The following PARVB variants were observed in gnomAD, a reference collection of about 807,000 sequenced individuals.
The protein encoded by PARVB is beta-parvin.
A neutral mutation model predicts 47.0 loss-of-function variants in PARVB; 46 were observed. The ratio of observed to expected loss-of-function variants is 0.98; its 90% CI spans 0.77 to 1.25. The LOEUF (loss-of-function observed/expected upper bound fraction) is 1.25, where lower values mean the gene tolerates loss of function less well. Among genes scored for constraint, PARVB ranks in the 50% most tolerant of loss-of-function variants. The probability of loss-of-function intolerance (pLI) is 0.00; values close to 1 mark genes in which losing one functional copy is unlikely to be tolerated. For synonymous variants in PARVB, 196 were observed against 196.3 expected (o/e 1.00, Z 0.01); for missense variants, 473 against 471.6 (o/e 1.00, Z -0.03).
At chr22:44,085,699 G>A (rs1473574943) in intron 1 of PARVB, among the ~76,000 whole-genome samples, 1 of 152,230 alleles carries the variant, frequency 6.6e-6, no homozygotes, top group Non-Finnish European at 1.5e-5. Context: ...TTCTGTGCCA[G>A]GTGCGAGGTC....
Position 44,092,523 on chromosome 22 carries a change from G to C in PARVB, c.113-1405G>C, listed in dbSNP as rs147349803. On this transcript the variant is annotated intron_variant, in intron 1 of 12. Coordinates refer to ENST00000338758, the MANE Select transcript of PARVB (RefSeq NM_013327.5). Reference sequence around the variant, plus strand: ...GGCCTTTGCTGACATGAGAGGAGCTGGCATCCTTGGGCCCTGCTGCCATTG... The same window carrying C: ...GGCCTTTGCTGACATGAGAGGAGCTCGCATCCTTGGGCCCTGCTGCCATTG... Among the ~76,000 whole-genome samples, 1,137 of 152,282 alleles carry C rather than the reference G, an allele frequency of 7.5e-3. 16 individuals are homozygous for C. The highest frequency in any genetic ancestry group is 0.026 in the African/African-American group (1,100 of 41,570).
intron 1 of PARVB, among the ~76,000 whole-genome samples, chr22:44,052,662 G>A (rs1362187099): frequency 1.3e-5 from 2 of 152,236 alleles, no homozygotes; most frequent in Non-Finnish European, 1.5e-5. Context: ...TAGGTGGGGG[G>A]CTGGGTGTGG....
In PARVB at chr22:44,011,406, C is replaced by T. The variant is rs140993259; in HGVS notation, c.211+11733C>T. ...GGCAGGTGGATCACTTGAGGTCAGG[C>T]GTTTGAGACCAGCCTGGCCAACATG... is the stretch of plus-strand genomic sequence containing the variant. On this transcript the variant is annotated intron_variant, in intron 2 of 13. Coordinates refer to the PARVB transcript ENST00000406477. 5.4e-3 allele frequency among the ~76,000 whole-genome samples: 820 copies of T among 152,062 alleles called. 12 individuals are homozygous for T. Among genetic ancestry groups the T allele is most frequent in the African/African-American group, 0.019 (774 of 41,518 alleles).
At chr22:44,032,520 G>A (rs1254435661) in intron 1 of PARVB, among the ~76,000 whole-genome samples, 1 of 152,184 alleles carries the variant, frequency 6.6e-6, no homozygotes, top group African/African-American at 2.4e-5. Context: ...GCCCGTCGCG[G>A]TGGTGCAGTC....
intron 3 of PARVB, chr22:44,114,188 G>A (rs2052794206): frequency 8.6e-6 from 1 of 115,838 alleles, no homozygotes; most frequent in African/African-American, 3.8e-5. Context: ...TTGTTACTAA[G>A]GCCCTGCACC....
chr22:44,035,046 T>C (rs988436569), intron 1 of PARVB, among the ~76,000 whole-genome samples: 2 of 152,128 alleles, frequency 1.3e-5, no homozygotes, highest in African/African-American at 4.8e-5. Context: ...AAAACTTAAC[T>C]AGTGATAGCC....
At chr22:44,058,455 C>A (rs913658974) in intron 1 of PARVB, among the ~76,000 whole-genome samples, 1 of 152,116 alleles carries the variant, frequency 6.6e-6, no homozygotes, top group African/African-American at 2.4e-5. Flanking sequence ...CCACCGCAGT[C>A]CAGTATGACC....
intron 2 of PARVB, among the ~76,000 whole-genome samples, chr22:44,012,802 TTTTA>T (rs531075524): frequency 1.1e-3 from 166 of 152,218 alleles, no homozygotes; most frequent in African/African-American, 3.9e-3. Context: ...TACAGGCGGT[TTTTA>T]TTTATTTATT....
At position 44,125,383 on chromosome 22, in the gene PARVB, G is replaced by C. The variant is rs898658125; in HGVS notation, c.377-6104G>C. Among the ~76,000 whole-genome samples, 1 of 152,152 alleles carries C rather than the reference G, an allele frequency of 6.6e-6. No individual in the cohort carries two copies. The highest frequency in any genetic ancestry group is 1.5e-5 in the Non-Finnish European group (1 of 68,028). Reference sequence around the variant, plus strand: ...GAAGAAAGAGAAGTATTATGGGGTGGAGTGGTTCAACCTGAAACCTAGATG... The same window carrying C: ...GAAGAAAGAGAAGTATTATGGGGTGCAGTGGTTCAACCTGAAACCTAGATG... On this transcript the variant is annotated intron_variant, in intron 4 of 12. Coordinates refer to ENST00000338758, the MANE Select transcript of PARVB (RefSeq NM_013327.5). This position sits in a 1 kb window ranked among gnomAD's most constrained non-coding sequence, Gnocchi z 4.1.
intron 3 of PARVB, chr22:44,105,813 TTGTTGTTGTTTTG>T (rs1447492849): frequency 9.2e-5 from 14 of 152,018 alleles, no homozygotes; most frequent in Non-Finnish European, 2.1e-4. Context: ...TTGCTTTTTG[TTGTTGTTGTTTTG>T]TGTTGTTGTT....
Position 44,103,182 on chromosome 22 carries a change from A to G in PARVB, c.273+3059A>G, listed in dbSNP as rs1194639280. ...GGTTTCAGATTGAGAAGAAGGCCACATTGAGGGGCATGGGGTGGACTGATG... is the reference window on the plus strand; with the variant it reads ...GGTTTCAGATTGAGAAGAAGGCCACGTTGAGGGGCATGGGGTGGACTGATG... On this transcript the variant is annotated intron_variant, in intron 3 of 12. Transcript: ENST00000338758. The surrounding 1 kb of genome is among the most constrained non-coding windows in gnomAD (Gnocchi z 4.6). 3 of 152,344 alleles carry G rather than the reference A, an allele frequency of 2.0e-5. No homozygotes were observed. Among genetic ancestry groups the G allele is most frequent in the African/African-American group, 7.2e-5 (3 of 41,464 alleles). 9.4% of individuals were successfully genotyped at this position (152,344 alleles called of 1,614,324 possible). A position where few individuals can be genotyped will look rare whatever the true frequency, so the allele number is the denominator to read the frequency against.
At chr22:44,038,100 T>C (rs1401410897) in intron 1 of PARVB, among the ~76,000 whole-genome samples, 1 of 152,280 alleles carries the variant, frequency 6.6e-6, no homozygotes, top group East Asian at 1.9e-4. Flanking sequence ...CCTGTTGACT[T>C]AAATGTTGCA....
At chr22:44,045,835 C>T (rs575797462) in intron 1 of PARVB, among the ~76,000 whole-genome samples, 5 of 152,304 alleles carry the variant, frequency 3.3e-5, no homozygotes, top group African/African-American at 9.6e-5. Context: ...CTTTGCAGTA[C>T]GTTTTGAAAT....
At chr22:44,090,349 C>A (rs960635636) in intron 1 of PARVB, among the ~76,000 whole-genome samples, 1 of 152,244 alleles carries the variant, frequency 6.6e-6, no homozygotes, top group Non-Finnish European at 1.5e-5. Context: ...GGCCATCGTG[C>A]ATAACCAGCC....
chr22:44,002,022 C>T (rs2050418232), intron 2 of PARVB, among the ~76,000 whole-genome samples: 1 of 152,112 alleles, frequency 6.6e-6, no homozygotes, highest in Non-Finnish European at 1.5e-5. Context: ...CCTCCCCAAG[C>T]ACAGTGGCGA....
rs138632837 is a variant in PARVB, at chr22:44,119,899, C to T, written c.376+759C>T. On this transcript the variant is annotated intron_variant, in intron 4 of 12. Transcript: ENST00000338758. ...CGGCCTTGCAGCTCATATGGAAGAA[C>T]GAGCGAAGAGTTGCCAGGCAAAGAA... 649 of 519,150 alleles carry T rather than the reference C, an allele frequency of 1.3e-3. 1 individual carries two copies. Among genetic ancestry groups the T allele is most frequent in the African/African-American group, 0.011 (583 of 51,880 alleles). 32.2% of individuals were successfully genotyped at this position (519,150 alleles called of 1,614,324 possible).
At chr22:44,075,830 C>T (rs2051759220) in intron 1 of PARVB, among the ~76,000 whole-genome samples, 1 of 152,216 alleles carries the variant, frequency 6.6e-6, no homozygotes, top group Non-Finnish European at 1.5e-5. Context: ...TCCATTTGTT[C>T]CCTGTTTGCC....
intron 2 of PARVB, among the ~76,000 whole-genome samples, chr22:44,013,669 G>T (rs751139303): frequency 8.5e-5 from 13 of 152,160 alleles, no homozygotes; most frequent in Non-Finnish European, 1.3e-4. Context: ...GTCTCACTCT[G>T]TCTCCCAGGC....
intron 7 of PARVB, among the ~76,000 whole-genome samples, chr22:44,137,626 G>T (rs1035552367): frequency 6.6e-6 from 1 of 152,190 alleles, no homozygotes; most frequent in African/African-American, 2.4e-5. Flanking sequence ...CTCGCCTGGG[G>T]TTGCTCATAT....
Sources: gnomAD v4.1 joint callset for allele counts (sites outside exome capture counted in the v4.1 genomes callset) on GRCh38, gnomAD v4.1.1 for gene constraint, Gnocchi (gnomAD v3.1) non-coding constraint, MANE v1.5 for transcripts, NCBI Gene and HGNC (gene_info 2026-07-23, HGNC 2026-07-21) for gene names.